Variants in PRMT8 observed in about 807,000 individuals in gnomAD.
PRMT8 encodes the protein protein arginine N-methyltransferase 8.
A neutral mutation model predicts 47.1 loss-of-function variants in PRMT8; 7 were observed. The ratio of observed to expected loss-of-function variants is 0.15; its 90% CI spans 0.08 to 0.28. The LOEUF (loss-of-function observed/expected upper bound fraction) is 0.28, where lower values mean the gene tolerates loss of function less well. Ranked by LOEUF, PRMT8 falls within the 10% of genes least tolerant of loss-of-function variation. The probability of loss-of-function intolerance (pLI) is 1.00; values close to 1 mark genes in which losing one functional copy is unlikely to be tolerated. For missense variants in PRMT8, 237 were observed against 505.4 expected, an observed-to-expected ratio of 0.47 and a Z score of 5.09; for synonymous variants, 188 against 186.5, an observed-to-expected ratio of 1.01 and a Z score of -0.07.
chr12:3,461,551 C>T (rs1293967128), intron 1 of PRMT8, among the ~76,000 whole-genome samples: 3 of 152,224 alleles, frequency 2.0e-5, no homozygotes, highest in Non-Finnish European at 2.9e-5. Flanking sequence ...TCTGCCCCAG[C>T]GGAATTAACG....
At chr12:3,491,830 TCC>T (rs1865408228) in intron 1 of PRMT8, 130 bp downstream of exon 1, 2 of 676,234 alleles carry the variant, frequency 3.0e-6, no homozygotes, top group East Asian at 5.3e-5. Context: ...GCCGGCCTCC[TCC>T]TGTGTGTGTG....
At chr12:3,515,877 C>G (rs144378794) in intron 1 of PRMT8, among the ~76,000 whole-genome samples, 8 of 152,354 alleles carry the variant, frequency 5.3e-5, no homozygotes, top group Non-Finnish European at 1.2e-4. Context: ...GCCCAGGCTT[C>G]CCTGGTGGTT....
intron 1 of PRMT8, among the ~76,000 whole-genome samples, chr12:3,396,133 T>C (rs1864246601): frequency 6.6e-6 from 1 of 152,234 alleles, no homozygotes; most frequent in Non-Finnish European, 1.5e-5. Context: ...GTTTCCTGAG[T>C]ACAGCACACT....
At chr12:3,400,634 A>G (rs1318333127) in intron 1 of PRMT8, among the ~76,000 whole-genome samples, 1 of 152,212 alleles carries the variant, frequency 6.6e-6, no homozygotes, top group Non-Finnish European at 1.5e-5. Context: ...ATTGAAAAGG[A>G]GGGACTCCTC....
upstream of PRMT8, among the ~76,000 whole-genome samples, chr12:3,487,366 T>G (rs1865332702): frequency 6.6e-6 from 1 of 152,086 alleles, no homozygotes; most frequent in South Asian, 2.1e-4. Context: ...GTTAAAATGC[T>G]GCTTCCTGAT....
chr12:3,579,282 G>T (rs564956770), intron 7 of PRMT8, among the ~76,000 whole-genome samples: 2 of 152,220 alleles, frequency 1.3e-5, no homozygotes, highest in African/African-American at 4.8e-5. Flanking sequence ...ACCCCAGGTT[G>T]CTCTCTGCCC....
chr12:3,496,214 A>ATATATATATATATATATATTTTT, intron 1 of PRMT8, among the ~76,000 whole-genome samples: 2 of 27,776 alleles, frequency 7.2e-5, no homozygotes, highest in Non-Finnish European at 1.6e-4. Context: ...ATATATATAT[A>ATATATATATATATATATATTTTT]TTTTTTTTTT....
intron 1 of PRMT8, among the ~76,000 whole-genome samples, chr12:3,474,590 C>G (rs1055676014): frequency 2.0e-5 from 3 of 152,068 alleles, no homozygotes; most frequent in Admixed American, 2.0e-4. Context: ...TCCATGCTCT[C>G]CCCTGGCCTT....
At chr12:3,483,407 C>A (rs1353573320) in intron 1 of PRMT8, among the ~76,000 whole-genome samples, 1 of 152,130 alleles carries the variant, frequency 6.6e-6, no homozygotes, top group Non-Finnish European at 1.5e-5. Context: ...GGAAACCACT[C>A]TTCTCTTGCT....
At chr12:3,428,461 A>C (rs1265364864) in intron 1 of PRMT8, among the ~76,000 whole-genome samples, 4 of 152,092 alleles carry the variant, frequency 2.6e-5, no homozygotes, top group Non-Finnish European at 5.9e-5. Flanking sequence ...GCTGCGGGTC[A>C]CTGGGTTAAG....
intron 2 of PRMT8, among the ~76,000 whole-genome samples, chr12:3,544,405 C>T (rs1866289520): frequency 6.6e-6 from 1 of 152,216 alleles, no homozygotes; most frequent in African/African-American, 2.4e-5. Flanking sequence ...TAAAGGGTGA[C>T]CACTGGGGGG....
At chr12:3,553,604 T>C (rs1433840083) in intron 3 of PRMT8, 47 bp from the exon 4 acceptor site, 2 of 1,481,226 alleles carry the variant, frequency 1.4e-6, no homozygotes, top group African/African-American at 2.8e-5. Context: ...TGGGTCTTGC[T>C]GTGATTTTTT....
intron 1 of PRMT8, among the ~76,000 whole-genome samples, chr12:3,511,716 G>A (rs1389578330): frequency 6.6e-6 from 1 of 152,234 alleles, no homozygotes; most frequent in African/African-American, 2.4e-5. Flanking sequence ...GTCCCAGGCA[G>A]CTGTTCTATT....
At position 3,569,010 on chromosome 12, in the gene PRMT8, A is replaced by G. The variant is rs1246954031; in HGVS notation, c.624+162A>G. ...CTAGAGCAGATCTGTATCAGGGAACAGAATGGTTGCCCCGGGTCCAGCATG... is the reference window on the plus strand; with the variant it reads ...CTAGAGCAGATCTGTATCAGGGAACGGAATGGTTGCCCCGGGTCCAGCATG... On this transcript the variant is annotated intron_variant, in intron 5 of 9. Coordinates refer to ENST00000382622, the MANE Select transcript of PRMT8 (RefSeq NM_019854.5). The surrounding 1 kb of genome is among the most constrained non-coding windows in gnomAD (Gnocchi z 8.2). 6.6e-6 allele frequency among the ~76,000 whole-genome samples: 1 copy of G among 152,146 alleles called. No individual in the cohort carries two copies. The highest frequency in any genetic ancestry group is 6.5e-5 in the Admixed American group (1 of 15,286).
intron 1 of PRMT8, among the ~76,000 whole-genome samples, chr12:3,518,764 A>G (rs1652905203): frequency 6.6e-6 from 1 of 152,214 alleles, no homozygotes; most frequent in Non-Finnish European, 1.5e-5. Flanking sequence ...TCAAAATCCA[A>G]CAAGAAAAAG....
chr12:3,445,520 C>A (rs941168779), intron 1 of PRMT8, among the ~76,000 whole-genome samples: 3 of 152,140 alleles, frequency 2.0e-5, no homozygotes, highest in African/African-American at 7.2e-5. Context: ...AAACAGCAAT[C>A]GTTACTACTG....
intron 1 of PRMT8, among the ~76,000 whole-genome samples, chr12:3,406,898 C>T (rs866494665): frequency 3.3e-5 from 5 of 152,186 alleles, no homozygotes; most frequent in South Asian, 2.1e-4. Flanking sequence ...GTCACTTCTT[C>T]GTTTTTGGGT....
chr12:3,460,605 G>T (rs1865030730), intron 1 of PRMT8, among the ~76,000 whole-genome samples: 1 of 152,164 alleles, frequency 6.6e-6, no homozygotes, highest in Admixed American at 6.5e-5. Context: ...CATTTATTGA[G>T]CACTAATTAT....
At chr12:3,473,443 T>C (rs1421364259) in intron 1 of PRMT8, among the ~76,000 whole-genome samples, 1 of 152,148 alleles carries the variant, frequency 6.6e-6, no homozygotes, top group Non-Finnish European at 1.5e-5. Flanking sequence ...TCAGCCTTCT[T>C]CCTGAGAGCC....
Sources: gnomAD v4.1 joint callset for allele counts (sites outside exome capture counted in the v4.1 genomes callset) on GRCh38, gnomAD v4.1.1 for gene constraint, Gnocchi (gnomAD v3.1) non-coding constraint, MANE v1.5 for transcripts, NCBI Gene and HGNC (gene_info 2026-07-23, HGNC 2026-07-21) for gene names.